ZNF510: variants seen among roughly 807,000 people sequenced by gnomAD.
ZNF510 encodes the protein zinc finger protein 510.
Under a neutral mutation model 18.1 loss-of-function variants are expected in ZNF510, and 15 were observed. That is an observed-to-expected ratio of 0.83 (90% CI 0.55 to 1.28). The LOEUF (loss-of-function observed/expected upper bound fraction) is 1.28. ZNF510 is among the 50% of genes most tolerant of loss of function. The probability of loss-of-function intolerance (pLI) is 0.00; values close to 1 mark genes in which losing one functional copy is unlikely to be tolerated. For synonymous variants in ZNF510, 261 were observed against 266.4 expected (o/e 0.98, Z 0.20); for missense variants, 724 against 791.8 (o/e 0.91, Z 1.03).
At chr9:96,774,119 G>A (rs1361825069) in intron 3 of ZNF510, among the ~76,000 whole-genome samples, 1 of 152,178 alleles carries the variant, frequency 6.6e-6, no homozygotes, top group Non-Finnish European at 1.5e-5. Flanking sequence ...GACCTTGCAT[G>A]CCTTGTTTAG....
intron 3 of ZNF510, among the ~76,000 whole-genome samples, chr9:96,770,457 C>G (rs1380783944): frequency 1.3e-5 from 2 of 151,594 alleles, no homozygotes; most frequent in Admixed American, 1.3e-4. Flanking sequence ...GAAAAATTAG[C>G]CAGGCATGAC....
chr9:96,759,281 G>C lies in ZNF510; in HGVS notation c.1549C>G (p.Gln517Glu). Reference sequence around the variant, plus strand: ...AATGTTTTTCCACATTGATTGCATTGAAAGGATTTCTCCCCTGTGTGAATT... The same window carrying C: ...AATGTTTTTCCACATTGATTGCATTCAAAGGATTTCTCCCCTGTGTGAATT... Reference protein sequence around the residue: ...HRIHTGEKSFQCNQCGKTFGQ... With the variant: ...HRIHTGEKSFECNQCGKTFGQ... Residue 517 changes from glutamine (Q) to glutamate (E), a missense_variant, in exon 6 of 6, where the codon CAA (glutamine) becomes GAA (glutamate). Transcript: ENST00000223428. 1 of 1,613,874 alleles carries C rather than the reference G, an allele frequency of 6.2e-7. No homozygotes were observed. Among genetic ancestry groups the C allele is most frequent in the Non-Finnish European group, 8.5e-7 (1 of 1,179,970 alleles).
chr9:96,759,169 CAGA>C lies in ZNF510; in HGVS notation c.1658_1660del (p.Phe553del). The C allele has an allele frequency of 1.2e-6, 2 of 1,613,814 alleles. No homozygotes were observed. The highest frequency in any genetic ancestry group is 2.2e-5 in the East Asian group (1 of 44,850). On this transcript the variant is annotated inframe_deletion, in exon 6 of 6. Coordinates refer to ENST00000223428, the MANE Select transcript of ZNF510 (RefSeq NM_014930.3). ...ATGTTGAATGAGATGATCTTTTCGC[CAGA>C]AGGATTTTTCACATTCATTACACTG...
intron 3 of ZNF510, among the ~76,000 whole-genome samples, chr9:96,773,946 A>C (rs1849636246): frequency 1.3e-5 from 2 of 152,178 alleles, no homozygotes; most frequent in Admixed American, 6.5e-5. Flanking sequence ...TCTGGTCTCC[A>C]GAATGGTGGG....
chr9:96,774,967 G>A (rs1849659958), intron 2 of ZNF510, 121 bp from the exon 3 acceptor site: 1 of 726,026 alleles, frequency 1.4e-6, no homozygotes. Flanking sequence ...TGACCTTTGA[G>A]AAGGGACAAG....
chr9:96,762,426 G>C (rs188703697), intron 5 of ZNF510, among the ~76,000 whole-genome samples: 1 of 150,578 alleles, frequency 6.6e-6, no homozygotes, highest in South Asian at 2.1e-4. Flanking sequence ...GGAGAATGGC[G>C]TAAACCTGGG....
At chr9:96,766,646 A>AAAAAAAGG (rs61580077) in intron 3 of ZNF510, among the ~76,000 whole-genome samples, 1 of 152,166 alleles carries the variant, frequency 6.6e-6, no homozygotes, top group Non-Finnish European at 1.5e-5. Context: ...TGCACATTAA[A>AAAAAAAGG]AAAAAAGGAC....
At chr9:96,769,599 A>G (rs1849544997) in intron 3 of ZNF510, among the ~76,000 whole-genome samples, 1 of 152,198 alleles carries the variant, frequency 6.6e-6, no homozygotes, top group South Asian at 2.1e-4. Flanking sequence ...CTTCATCACA[A>G]TTAAACTTTT....
chr9:96,765,116 AAACAAC>A (rs373245058), intron 3 of ZNF510, among the ~76,000 whole-genome samples: 15 of 152,022 alleles, frequency 9.9e-5, no homozygotes, highest in Middle Eastern at 3.4e-3. Flanking sequence ...CTTGTATAAA[AAACAAC>A]AACAACAACA....
rs532925423 is a variant in ZNF510, at chr9:96,774,250, C to CCTTT, written c.129+534_129+537dup. Reference sequence around the variant, plus strand: ...AACAGAGCCTACACCATCGATCTCTCCTTTCTTTGACAGTCTGTCTACCTG... The same window carrying CCTTT: ...AACAGAGCCTACACCATCGATCTCTCCTTTCTTTCTTTGACAGTCTGTCTACCTG... On this transcript the variant is annotated intron_variant, in intron 3 of 5. Transcript: ENST00000223428. Among the ~76,000 whole-genome samples, 33 of 152,330 alleles carry CCTTT rather than the reference C, an allele frequency of 2.2e-4. No individual in the cohort carries two copies. The East Asian group carries it at 6.4e-3, about 29-fold the overall frequency.
intron 3 of ZNF510, among the ~76,000 whole-genome samples, chr9:96,764,043 G>A (rs1219216798): frequency 1.3e-5 from 2 of 152,124 alleles, no homozygotes; most frequent in African/African-American, 2.4e-5. Flanking sequence ...GCTGCAATGA[G>A]CCATGATCAC....
In ZNF510 at chr9:96,774,839, A is replaced by C; in HGVS notation, c.78T>G (p.Pro26=). 2 of 1,614,070 alleles carry C rather than the reference A, an allele frequency of 1.2e-6. No homozygotes were observed. The highest frequency in any genetic ancestry group is 1.1e-5 in the South Asian group (1 of 91,082). The change falls in exon 3 of 6, where the codon CCT becomes CCG. Residue 26 remains proline (P), a synonymous_variant. Coordinates refer to ENST00000223428, the MANE Select transcript of ZNF510 (RefSeq NM_014930.3). ...CCTGAAAGAGTGTGGAGAACCGTAA[A>C]GGATAACCTGGGGGTGAGGAAGGAG... The part of the protein sequence containing the change: ...TVGQLAEGGY[P]LRFSTLFQEQ...
chr9:96,757,781 AC>A lies in ZNF510; in HGVS notation c.*996del, dbSNP rs1432616401. ...ATTAAGGACTAATAATGGAATAATTACAACAACATGCCAGAAATGCTCTTGC... is the reference window on the plus strand; with the variant it reads ...ATTAAGGACTAATAATGGAATAATTAAACAACATGCCAGAAATGCTCTTGC... On this transcript the variant is annotated 3_prime_UTR_variant, in exon 6 of 6. Coordinates refer to ENST00000223428, the MANE Select transcript of ZNF510 (RefSeq NM_014930.3). The A allele has an allele frequency of 7.4e-6, 1 of 135,922 alleles. No homozygotes were observed. The highest frequency in any genetic ancestry group is 1.5e-5 in the Non-Finnish European group (1 of 67,932). The allele number at this position is 135,922 out of a possible 1,614,324, so 8.4% of individuals were successfully genotyped here. A position where few individuals can be genotyped will look rare whatever the true frequency, so the allele number is the denominator to read the frequency against.
At position 96,757,023 on chromosome 9, in the gene ZNF510, C is replaced by T. The variant is rs1211863785; in HGVS notation, c.*1755G>A. The T allele has an allele frequency of 1.3e-5, 2 of 152,230 alleles. No individual in the cohort carries two copies. The highest frequency in any genetic ancestry group is 4.8e-5 in the African/African-American group (2 of 41,468). The allele number at this position is 152,230 out of a possible 1,614,324, so 9.4% of individuals were successfully genotyped here. On this transcript the variant is annotated 3_prime_UTR_variant, in exon 6 of 6. Coordinates refer to ENST00000223428, the MANE Select transcript of ZNF510 (RefSeq NM_014930.3). ...AGTATACTCTACTGGCCCAAAGTAC[C>T]TCACCCATAAAGTTATTAAATTTGT...
intron 3 of ZNF510, among the ~76,000 whole-genome samples, chr9:96,768,969 A>G (rs1849532224): frequency 6.6e-6 from 1 of 152,224 alleles, no homozygotes; most frequent in Non-Finnish European, 1.5e-5. Flanking sequence ...AGAGTGTGGT[A>G]CTGGCATAAA....
chr9:96,764,574 A>G (rs1849427310), intron 3 of ZNF510, among the ~76,000 whole-genome samples: 2 of 152,248 alleles, frequency 1.3e-5, no homozygotes. Flanking sequence ...TATGATTGTC[A>G]AAACTGAAAA....
chr9:96,772,214 G>A (rs1849597903), intron 3 of ZNF510, among the ~76,000 whole-genome samples: 1 of 152,236 alleles, frequency 6.6e-6, no homozygotes, highest in East Asian at 1.9e-4. Flanking sequence ...CTGGATATCC[G>A]TATGGAAATA....
At position 96,759,863 on chromosome 9, in the gene ZNF510, C is replaced by T; in HGVS notation, c.967G>A (p.Val323Met). The T allele has an allele frequency of 6.2e-7, 1 of 1,613,422 alleles. No homozygotes were observed. Among genetic ancestry groups the T allele is most frequent in the South Asian group, 1.1e-5 (1 of 91,080 alleles). ...ATATTAAGTTTATTATATTCCTCCA[C>T]AGTTGACTTCTCAAAGGATTTCCCA... The part of the protein sequence containing the change: ...QCGKSFEKST[V>M]EEYNKLNMGI... The change falls in exon 6 of 6, where the codon GTG becomes ATG. Residue 323 changes from valine (V) to methionine (M), a missense_variant. By Grantham distance (21) the Val-to-Met change is conservative. Transcript: ENST00000223428.
intron 3 of ZNF510, among the ~76,000 whole-genome samples, chr9:96,768,277 C>G (rs1373792825): frequency 1.3e-5 from 2 of 152,070 alleles, no homozygotes; most frequent in Non-Finnish European, 2.9e-5. Context: ...GGCTAAAAAA[C>G]AAGAAGGTTT....
Sources: allele counts gnomAD v4.1 joint callset (sites outside exome capture counted in the v4.1 genomes callset), GRCh38; gene constraint gnomAD v4.1.1; transcripts MANE v1.5; gene names NCBI Gene and HGNC (gene_info 2026-07-23, HGNC 2026-07-21).